SYT3: variants seen among roughly 807,000 people sequenced by gnomAD.
SYT3 encodes the protein synaptotagmin-3.
In SYT3, 25 loss-of-function variants were observed where a neutral mutation model predicts 50.6. The ratio of observed to expected loss-of-function variants is 0.49; its 90% CI spans 0.36 to 0.69. SYT3 has a LOEUF of 0.69. SYT3 is among the 30% of genes least tolerant of loss of function. The pLI is 0.00. For missense variants in SYT3, 589 were observed against 793.6 expected (o/e 0.74, Z 3.10); for synonymous variants, 323 against 353.9 (o/e 0.91, Z 0.98).
At chr19:50,651,040 T>C in the SYT3 span, among the ~76,000 whole-genome samples, 2 of 152,224 alleles carry the variant, frequency 1.3e-5, no homozygotes, top group Non-Finnish European at 2.9e-5. Flanking sequence ...AATCACATTT[T>C]TTAGTTGATC....
intron 9 of SYT3, chr19:50,624,876 T>G (rs927516291): frequency 1.6e-5 from 5 of 321,192 alleles, no homozygotes; most frequent in Admixed American, 4.9e-5. Flanking sequence ...CTTAGCCTCA[T>G]GGGTAACAAC....
the SYT3 span, among the ~76,000 whole-genome samples, chr19:50,648,460 A>C: frequency 6.6e-6 from 1 of 152,190 alleles, no homozygotes; most frequent in Non-Finnish European, 1.5e-5. Flanking sequence ...CAGACAAAAC[A>C]AATAAGCGAA....
upstream of SYT3, among the ~76,000 whole-genome samples, chr19:50,643,701 G>T (rs1984715679): frequency 6.7e-6 from 1 of 149,030 alleles, no homozygotes; most frequent in Admixed American, 6.9e-5. Flanking sequence ...CCTAATGTGT[G>T]CCAGGCATTT....
chr19:50,623,297 A>C (rs1983914760), intron 9 of SYT3, among the ~76,000 whole-genome samples: 1 of 151,986 alleles, frequency 6.6e-6, no homozygotes, highest in Non-Finnish European at 1.5e-5. Flanking sequence ...CATCCTATCC[A>C]CCTTAGTAGA....
At chr19:50,648,630 A>G in the SYT3 span, among the ~76,000 whole-genome samples, 1 of 151,756 alleles carries the variant, frequency 6.6e-6, no homozygotes, top group Admixed American at 6.6e-5. Flanking sequence ...CTCCTCCCTC[A>G]GACCCAGGAG....
In SYT3 at chr19:50,632,491, G is replaced by T. The variant is rs1398127746; in HGVS notation, c.469C>A (p.Pro157Thr). 6.2e-7 allele frequency: 1 copy of T among 1,612,648 alleles called. No individual in the cohort carries two copies. ...EPGSLGGSDT[P>T]EPSYLDMDSY... The stretch of plus-strand genomic sequence containing the variant: ...TCCATGTCCAAGTAGGAGGGCTCAG[G>T]GGTGTCAGAACCCCCCAGGCTGCCT... The change falls in exon 4 of 11, where the codon CCT becomes ACT. Residue 157 changes from proline to threonine, a missense_variant. Transcript: ENST00000600079. The surrounding 1 kb of genome is among the most constrained non-coding windows in gnomAD (Gnocchi z 4.7).
rs1021019460 is a variant in SYT3 at position 50,637,396 on chromosome 19, C to T, written c.16G>A (p.Glu6Lys). The change falls in exon 3 of 11, where the codon GAG (glutamate) becomes AAG (lysine). Residue 6 changes from glutamate (E) to lysine (K), a missense_variant. Glu to Lys is a moderately conservative substitution (Grantham distance 56). Transcript: ENST00000600079. The surrounding 1 kb of genome is among the most constrained non-coding windows in gnomAD (Gnocchi z 4.9). MSGDYEDDLCRRALIL... is the reference protein window; with the variant it reads MSGDYKDDLCRRALIL... ...AGTGCCCGCCGGCAGAGGTCATCCT[C>T]GTAGTCTCCTGACATGGTGGCCGTC... The T allele has an allele frequency of 3.1e-6, 5 of 1,605,036 alleles. No individual in the cohort carries two copies. Among genetic ancestry groups the T allele is most frequent in the South Asian group, 1.1e-5 (1 of 90,964 alleles).
intron 2 of SYT3, among the ~76,000 whole-genome samples, chr19:50,638,684 T>C (rs1216835117): frequency 3.3e-5 from 5 of 151,710 alleles, no homozygotes; most frequent in Admixed American, 6.6e-5. Context: ...AGAAATATCT[T>C]TGAAAGAGAA....
intron 6 of SYT3, 73 bp from the exon 7 acceptor site, chr19:50,626,090 C>T (rs572310731): frequency 4.9e-5 from 76 of 1,545,780 alleles, no homozygotes; most frequent in Middle Eastern, 1.8e-4. Context: ...TCTCTCCGGT[C>T]GGAGCCTCCT....
rs1984326253 is a variant in SYT3, at chr19:50,632,067, G to T, written c.674+219C>A. 6.6e-6 allele frequency among the ~76,000 whole-genome samples: 1 copy of T among 151,822 alleles called. No individual in the cohort carries two copies. On this transcript the variant is annotated intron_variant, in intron 4 of 10. Transcript: ENST00000600079. This position sits in a 1 kb window ranked among gnomAD's most constrained non-coding sequence, Gnocchi z 4.7. ...CTGGACCCAGGAATTCAGGCCCCCA[G>T]TCCCCTACTTCTTCTGGTCCAAGGG...
intron 6 of SYT3, among the ~76,000 whole-genome samples, 184 bp downstream of exon 6, chr19:50,629,110 A>G (rs1361071986): frequency 1.3e-5 from 2 of 152,128 alleles, no homozygotes; most frequent in Non-Finnish European, 1.5e-5. Flanking sequence ...GGCATGAGCT[A>G]CCGCGCCCGG....
At chr19:50,645,903 A>G in the SYT3 span, among the ~76,000 whole-genome samples, 1 of 151,906 alleles carries the variant, frequency 6.6e-6, no homozygotes, top group African/African-American at 2.4e-5. Context: ...CCCCCACAAA[A>G]ATCAAATGCA....
chr19:50,646,392 A>T, the SYT3 span, among the ~76,000 whole-genome samples: 1 of 149,022 alleles, frequency 6.7e-6, no homozygotes, highest in Non-Finnish European at 1.5e-5. Context: ...CAGGAGGGAC[A>T]GGGCAGATGG....
At chr19:50,643,607 A>T (rs1984713655), upstream of SYT3, among the ~76,000 whole-genome samples, 1 of 152,114 alleles carries the variant, frequency 6.6e-6, no homozygotes, top group African/African-American at 2.4e-5. Flanking sequence ...AGAACACCGG[A>T]CAGGGAGCCA....
Position 50,632,157 on chromosome 19 carries a change from C to T in SYT3, c.674+129G>A, listed in dbSNP as rs1984329288. ...GTCTAGGGCCCCAGCCTCCTCTTTCCCTAAGATCCAGGAGTCAATACCCCG... is the reference window on the plus strand; with the variant it reads ...GTCTAGGGCCCCAGCCTCCTCTTTCTCTAAGATCCAGGAGTCAATACCCCG... On this transcript the variant is annotated intron_variant, in intron 4 of 10. Transcript: ENST00000600079. The surrounding 1 kb of genome is among the most constrained non-coding windows in gnomAD (Gnocchi z 4.7). The T allele has an allele frequency of 9.2e-7, 1 of 1,085,736 alleles. No homozygotes were observed. The highest frequency in any genetic ancestry group is 2.0e-5 in the South Asian group (1 of 49,444). The allele number at this position is 1,085,736 out of a possible 1,614,324, so 67.3% of individuals were successfully genotyped here. A position where few individuals can be genotyped will look rare whatever the true frequency, so the allele number is the denominator to read the frequency against.
upstream of SYT3, among the ~76,000 whole-genome samples, chr19:50,640,721 T>C (rs1230291326): frequency 6.6e-6 from 1 of 150,810 alleles, no homozygotes; most frequent in Non-Finnish European, 1.5e-5. Flanking sequence ...CAATAGCTGA[T>C]GAGAAAAAAA....
chr19:50,644,259 G>T (rs990787546), upstream of SYT3, among the ~76,000 whole-genome samples: 1 of 152,206 alleles, frequency 6.6e-6, no homozygotes, highest in Admixed American at 6.5e-5. Flanking sequence ...ATGCTGGAAG[G>T]ATAGATGAAG....
chr19:50,622,419 G>C lies in SYT3; in HGVS notation c.*66C>G, dbSNP rs1983884199. 8.1e-6 allele frequency: 2 copies of C among 247,310 alleles called. No individual in the cohort carries two copies. The highest frequency in any genetic ancestry group is 5.1e-5 in the Admixed American group (1 of 19,444). The allele number at this position is 247,310 out of a possible 1,614,324, so 15.3% of individuals were successfully genotyped here. On this transcript the variant is annotated 3_prime_UTR_variant, in exon 11 of 11. Transcript: ENST00000600079. ...TATGGCTTCAAGGAGATGAATTCAC[G>C]GTCCGGGCAGGAAAGGATGGGGTCC...
intron 3 of SYT3, among the ~76,000 whole-genome samples, chr19:50,636,165 A>C (rs1472191548): frequency 1.3e-5 from 2 of 152,136 alleles, no homozygotes; most frequent in African/African-American, 4.8e-5. Context: ...GAGGCAGGAG[A>C]ATCACTTGAA....
Sources: gnomAD v4.1 joint callset for allele counts (sites outside exome capture counted in the v4.1 genomes callset) on GRCh38, gnomAD v4.1.1 for gene constraint, Gnocchi (gnomAD v3.1) non-coding constraint, MANE v1.5 for transcripts, NCBI Gene and HGNC (gene_info 2026-07-23, HGNC 2026-07-21) for gene names.